POU2AF2: variants seen among roughly 807,000 people sequenced by gnomAD.
POU2AF2 encodes POU domain class 2-associating factor 2.
the POU2AF2 span, chr11:111,281,330 T>G: frequency 1.5e-6 from 2 of 1,335,728 alleles, no homozygotes; most frequent in Non-Finnish European, 1.1e-6. Context: ...TTATAAGGTG[T>G]ATTCCTAATT....
chr11:111,270,022 T>C, the POU2AF2 span, among the ~76,000 whole-genome samples: 125 of 152,348 alleles, frequency 8.2e-4, no homozygotes, highest in Non-Finnish European at 1.7e-3. Context: ...TGTTAAATAG[T>C]TGCTTTAATT....
At chr11:111,276,947 A>G in the POU2AF2 span, among the ~76,000 whole-genome samples, 1 of 152,336 alleles carries the variant, frequency 6.6e-6, no homozygotes. Flanking sequence ...CTGGGAAAGG[A>G]ATAAGCAAAG....
At chr11:111,253,525 C>A in the POU2AF2 span, among the ~76,000 whole-genome samples, 6 of 152,156 alleles carry the variant, frequency 3.9e-5, no homozygotes, top group Non-Finnish European at 5.9e-5. Flanking sequence ...AAATAATGTT[C>A]AAACCTGTCT....
the POU2AF2 span, among the ~76,000 whole-genome samples, chr11:111,253,578 T>G: frequency 2.6e-5 from 4 of 152,174 alleles, no homozygotes; most frequent in Non-Finnish European, 5.9e-5. Context: ...CCCCATCAGC[T>G]CTTGCCTGGA....
chr11:111,268,737 G>A, the POU2AF2 span, among the ~76,000 whole-genome samples: 4 of 151,546 alleles, frequency 2.6e-5, no homozygotes, highest in African/African-American at 7.3e-5. Flanking sequence ...TAGTAGAGAC[G>A]GGGTTTCACG....
At chr11:111,261,127 G>T in the POU2AF2 span, among the ~76,000 whole-genome samples, 1 of 152,048 alleles carries the variant, frequency 6.6e-6, no homozygotes, top group African/African-American at 2.4e-5. Context: ...CACAACTATT[G>T]CTATGTATGT....
At chr11:111,268,258 G>A in the POU2AF2 span, among the ~76,000 whole-genome samples, 1 of 152,228 alleles carries the variant, frequency 6.6e-6, no homozygotes, top group African/African-American at 2.4e-5. Context: ...GCAGGTATGA[G>A]TGCCAAACAG....
the POU2AF2 span, chr11:111,255,886 A>G: frequency 1.3e-5 from 5 of 397,546 alleles, no homozygotes; most frequent in Non-Finnish European, 2.2e-5. Flanking sequence ...TCTATCAAGA[A>G]AATGACATCA....
chr11:111,257,360 T>C, the POU2AF2 span, among the ~76,000 whole-genome samples: 1 of 149,338 alleles, frequency 6.7e-6, no homozygotes, highest in South Asian at 2.1e-4. Context: ...TTTTATGTTA[T>C]CTTTTTTTTT....
chr11:111,271,339 G>A, the POU2AF2 span, among the ~76,000 whole-genome samples: 19 of 151,946 alleles, frequency 1.3e-4, no homozygotes, highest in African/African-American at 4.6e-4. Context: ...AAAAAAGAAA[G>A]AGAGTTCTGA....
At chr11:111,278,024 T>C in the POU2AF2 span, among the ~76,000 whole-genome samples, 3 of 152,228 alleles carry the variant, frequency 2.0e-5, no homozygotes, top group African/African-American at 7.2e-5. Context: ...GACCATTACA[T>C]GCCCGAGAGT....
At chr11:111,260,902 T>C in the POU2AF2 span, among the ~76,000 whole-genome samples, 1 of 152,224 alleles carries the variant, frequency 6.6e-6, no homozygotes, top group South Asian at 2.1e-4. Context: ...TTGCTGCTCT[T>C]TTATTTGTGA....
chr11:111,252,455 G>A, the POU2AF2 span, among the ~76,000 whole-genome samples: 7 of 151,934 alleles, frequency 4.6e-5, 1 homozygote, highest in African/African-American at 1.2e-4. Flanking sequence ...GAGAATCACC[G>A]ACGTATATTC....
the POU2AF2 span, among the ~76,000 whole-genome samples, chr11:111,259,091 CATAGACATGTA>C: frequency 6.6e-6 from 1 of 152,094 alleles, no homozygotes; most frequent in Non-Finnish European, 1.5e-5. Flanking sequence ...GACCAGGCAG[CATAGACATGTA>C]ATATGAAGAC....
chr11:111,265,548 T>C, the POU2AF2 span, among the ~76,000 whole-genome samples: 1 of 152,156 alleles, frequency 6.6e-6, no homozygotes, highest in Non-Finnish European at 1.5e-5. Flanking sequence ...ATAGCTACCA[T>C]GGAAGGTGTT....
chr11:111,251,409 T>C, the POU2AF2 span, among the ~76,000 whole-genome samples: 5 of 152,202 alleles, frequency 3.3e-5, no homozygotes, highest in Admixed American at 6.5e-5. Flanking sequence ...TATTTGGATG[T>C]GTGGAGTTTG....
chr11:111,283,999 C>T, the POU2AF2 span: 1 of 1,345,268 alleles, frequency 7.4e-7, no homozygotes, highest in Non-Finnish European at 1.0e-6. Flanking sequence ...GTTTCCCAGG[C>T]AGAGACTCAG....
At chr11:111,261,282 CACACACACACAT>C in the POU2AF2 span, among the ~76,000 whole-genome samples, 15 of 142,342 alleles carry the variant, frequency 1.1e-4, no homozygotes, top group African/African-American at 2.8e-4. Context: ...CACACACACA[CACACACACACAT>C]AATTAAGTTC....
At chr11:111,284,125 T>C in the POU2AF2 span, 4 of 1,614,216 alleles carry the variant, frequency 2.5e-6, no homozygotes, top group Non-Finnish European at 3.4e-6. Flanking sequence ...CTTTCTTATC[T>C]GACTCAGACT....
Sources: allele counts gnomAD v4.1 joint callset (sites outside exome capture counted in the v4.1 genomes callset), GRCh38; gene constraint gnomAD v4.1.1; transcripts MANE v1.5; gene names NCBI Gene and HGNC (gene_info 2026-07-23, HGNC 2026-07-21).